DCK: variants seen among roughly 807,000 people sequenced by gnomAD.
DCK encodes the protein deoxycytidine kinase.
A neutral mutation model predicts 38.3 loss-of-function variants in DCK; 23 were observed. That is an observed-to-expected ratio of 0.60 (90% CI 0.43 to 0.85). DCK has a LOEUF of 0.85. Ranked by LOEUF, DCK falls within the 40% of genes least tolerant of loss-of-function variation. The pLI is 0.00. For synonymous variants in DCK, 108 were observed against 100.6 expected, an observed-to-expected ratio of 1.07 and a Z score of -0.44; for missense variants, 259 against 304.4, an observed-to-expected ratio of 0.85 and a Z score of 1.11.
At position 71,021,402 on chromosome 4, in the gene DCK, A is replaced by G. The variant is rs369989785; in HGVS notation, c.208-965A>G. Reference sequence around the variant, plus strand: ...CTATTTCTAACTCAGATAAAAGATGATAAGAGTTTTTACTTCATTTTAAAA... The same window carrying G: ...CTATTTCTAACTCAGATAAAAGATGGTAAGAGTTTTTACTTCATTTTAAAA... On this transcript the variant is annotated intron_variant, in intron 2 of 6. Transcript: ENST00000286648. 8.1e-4 allele frequency among the ~76,000 whole-genome samples: 124 copies of G among 152,326 alleles called. 2 individuals are homozygous for G. Among genetic ancestry groups the G allele is most frequent in the African/African-American group, 2.8e-3 (117 of 41,580 alleles).
At chr4:71,021,169 G>A (rs1182596310) in intron 2 of DCK, among the ~76,000 whole-genome samples, 7 of 150,114 alleles carry the variant, frequency 4.7e-5, no homozygotes, top group Admixed American at 2.0e-4. Flanking sequence ...TCCGCTTCCC[G>A]GGTTCACGCC....
chr4:71,001,937 A>AT (rs1310047367), intron 2 of DCK, among the ~76,000 whole-genome samples: 2 of 152,034 alleles, frequency 1.3e-5, no homozygotes, highest in South Asian at 2.1e-4. Context: ...GGATTCATTG[A>AT]TTTTTTGAAG....
chr4:71,005,837 C>T (rs1739926538), intron 2 of DCK, among the ~76,000 whole-genome samples: 1 of 151,664 alleles, frequency 6.6e-6, no homozygotes, highest in Non-Finnish European at 1.5e-5. Flanking sequence ...TAAAAACAAG[C>T]AAATAAGGCC....
At chr4:70,999,421 T>C (rs746807496) in intron 2 of DCK, among the ~76,000 whole-genome samples, 1 of 152,250 alleles carries the variant, frequency 6.6e-6, no homozygotes, top group African/African-American at 2.4e-5. Flanking sequence ...CAGTCTATCA[T>C]TGATGGGCAT....
chr4:71,016,562 C>G (rs868638939), intron 2 of DCK, among the ~76,000 whole-genome samples: 45 of 152,318 alleles, frequency 3.0e-4, no homozygotes, highest in African/African-American at 1.0e-3. Context: ...ACCAAAACAG[C>G]ATGGTACTGG....
intron 1 of DCK, among the ~76,000 whole-genome samples, chr4:70,996,982 T>C (rs1739672680): frequency 6.6e-6 from 1 of 152,232 alleles, no homozygotes; most frequent in Non-Finnish European, 1.5e-5. Context: ...GCTCCCACTT[T>C]GCCCCAATAA....
intron 2 of DCK, among the ~76,000 whole-genome samples, chr4:71,013,401 A>G (rs1011357608): frequency 3.3e-5 from 5 of 152,218 alleles, no homozygotes; most frequent in African/African-American, 4.8e-5. Flanking sequence ...TTCAGGAAAT[A>G]CAGAGAACAC....
At chr4:71,010,865 A>G (rs1740073508) in intron 2 of DCK, among the ~76,000 whole-genome samples, 1 of 151,754 alleles carries the variant, frequency 6.6e-6, no homozygotes, top group Non-Finnish European at 1.5e-5. Context: ...AAAAACTAGT[A>G]ATTGTGATAA....
At chr4:71,005,892 G>A (rs1306229838) in intron 2 of DCK, among the ~76,000 whole-genome samples, 10 of 151,506 alleles carry the variant, frequency 6.6e-5, no homozygotes, top group South Asian at 2.1e-4. Flanking sequence ...TTGGGAGGCC[G>A]AGGCAGGTGG....
At chr4:71,011,393 T>A (rs188444928) in intron 2 of DCK, among the ~76,000 whole-genome samples, 1 of 152,244 alleles carries the variant, frequency 6.6e-6, no homozygotes, top group East Asian at 1.9e-4. Flanking sequence ...AGTCTTGCTT[T>A]ATTGCCCAGG....
chr4:71,023,768 G>C (rs1412484382), intron 4 of DCK, 62 bp downstream of exon 4: 1 of 1,533,312 alleles, frequency 6.5e-7, no homozygotes, highest in Non-Finnish European at 8.8e-7. Context: ...ACTCTTTTCA[G>C]TGGTATATAA....
intron 1 of DCK, among the ~76,000 whole-genome samples, chr4:70,997,313 A>G (rs1000605216): frequency 3.9e-5 from 6 of 152,104 alleles, no homozygotes; most frequent in Non-Finnish European, 8.8e-5. Context: ...TAAATGCTGT[A>G]CAGTCCCTAA....
chr4:71,015,218 A>C (rs1256131569), intron 2 of DCK, among the ~76,000 whole-genome samples: 1 of 152,186 alleles, frequency 6.6e-6, no homozygotes, highest in Non-Finnish European at 1.5e-5. Flanking sequence ...ATACACTGTC[A>C]CAAGACTAAA....
At chr4:71,006,579 C>T (rs920706696) in intron 2 of DCK, among the ~76,000 whole-genome samples, 11 of 151,912 alleles carry the variant, frequency 7.2e-5, no homozygotes, top group African/African-American at 2.4e-4. Flanking sequence ...AGGCTGAGGC[C>T]AGAGGATCGC....
Position 71,023,550 on chromosome 4 carries a change from C to T in DCK, c.402-9C>T, listed in dbSNP as rs750948462. On this transcript the variant is annotated splice_polypyrimidine_tract_variant and intron_variant, in intron 3 of 6. Transcript: ENST00000286648. ...AATGATACATGTGTTGATGAAGACT[C>T]TCTTTTAGGTATATTTTTGCATCTA... 1.8e-5 allele frequency: 27 copies of T among 1,526,668 alleles called. No homozygotes were observed. In the East Asian group the frequency reaches 4.6e-4, roughly 26 times the overall value. The allele number at this position is 1,526,668 out of a possible 1,614,324, so 94.6% of individuals were successfully genotyped here. A position where few individuals can be genotyped will look rare whatever the true frequency, so the allele number is the denominator to read the frequency against.
chr4:71,029,328 A>ATT, intron 6 of DCK, 24 bp from the exon 7 acceptor site: 3 of 1,530,638 alleles, frequency 2.0e-6, no homozygotes, highest in Non-Finnish European at 2.7e-6. Flanking sequence ...AATTATACTG[A>ATT]TTTTTTTTTC....
At position 70,993,919 on chromosome 4, in the gene DCK, G is replaced by C. The variant is rs1224276236; in HGVS notation, c.84G>C (p.Gly28=). The part of the protein sequence containing the change: ...GTRIKKISIE[G]NIAAGKSTFV... ...GCATCAAGAAAATCTCCATCGAAGG[G>C]AACATCGGTAAGGAGCCTCCGGAAA... The change falls in exon 1 of 7, where the codon GGG becomes GGC. Residue 28 remains glycine, a synonymous_variant. Coordinates refer to ENST00000286648, the MANE Select transcript of DCK (RefSeq NM_000788.3). 1.2e-6 allele frequency: 2 copies of C among 1,612,540 alleles called. No homozygotes were observed. The highest frequency in any genetic ancestry group is 1.7e-6 in the Non-Finnish European group (2 of 1,178,596).
At position 71,010,603 on chromosome 4, in the gene DCK, T is replaced by C. The variant is rs536683794; in HGVS notation, c.208-11764T>C. ...TTTATTTTTAATTTACAGATAAAAA[T>C]TATATTTAATTTTATATTATATTTA... On this transcript the variant is annotated intron_variant, in intron 2 of 6. Coordinates refer to ENST00000286648, the MANE Select transcript of DCK (RefSeq NM_000788.3). 5.4e-5 allele frequency among the ~76,000 whole-genome samples: 8 copies of C among 147,666 alleles called. No individual in the cohort carries two copies. In the South Asian group the frequency reaches 1.7e-3, roughly 31 times the overall value.
chr4:71,008,201 T>G (rs1739996876), intron 2 of DCK, among the ~76,000 whole-genome samples: 2 of 152,348 alleles, frequency 1.3e-5, no homozygotes, highest in Middle Eastern at 3.4e-3. Flanking sequence ...TGGGAATGCT[T>G]ATGATGCCTG....
Sources: gnomAD v4.1 joint callset for allele counts (sites outside exome capture counted in the v4.1 genomes callset) on GRCh38, gnomAD v4.1.1 for gene constraint, MANE v1.5 for transcripts, NCBI Gene and HGNC (gene_info 2026-07-23, HGNC 2026-07-21) for gene names.